Variants in DTX2 observed in about 807,000 individuals in gnomAD.
DTX2 encodes the protein deltex E3 ubiquitin ligase 2.
In DTX2, 29 loss-of-function variants were observed where a neutral mutation model predicts 55.3. The ratio of observed to expected loss-of-function variants is 0.52; its 90% confidence interval spans 0.39 to 0.71. The LOEUF (loss-of-function observed/expected upper bound fraction) is 0.71. Ranked by LOEUF, DTX2 falls within the 30% of genes least tolerant of loss-of-function variation. The probability of loss-of-function intolerance (pLI) is 0.00; values close to 1 mark genes in which losing one functional copy is unlikely to be tolerated. For synonymous variants in DTX2, 276 were observed against 340.4 expected, an observed-to-expected ratio of 0.81 and a Z score of 2.08; for missense variants, 537 against 822.5, an observed-to-expected ratio of 0.65 and a Z score of 4.25.
At position 76,480,686 on chromosome 7, in the gene DTX2, G is replaced by A. The variant is rs764404421; in HGVS notation, c.177G>A (p.Leu59=). 6.2e-7 allele frequency: 1 copy of A among 1,613,696 alleles called. No individual in the cohort carries two copies. Among genetic ancestry groups the A allele is most frequent in the Non-Finnish European group, 8.5e-7 (1 of 1,179,854 alleles). The stretch of plus-strand genomic sequence containing the variant: ...GCCAACGTTTTGGGCTTGGGAGCCT[G>A]GCCCACAGCATCCCCTTGGGCCAGG... ...QKGQRFGLGS[L]AHSIPLGQAD... is the part of the protein sequence containing the mutation. Residue 59 remains leucine (L), a synonymous_variant, in exon 3 of 11, where the codon CTG becomes CTA. Transcript: ENST00000430490.
chr7:76,475,319 AAAAC>A (rs1808430012), intron 2 of DTX2, among the ~76,000 whole-genome samples: 2 of 152,108 alleles, frequency 1.3e-5, no homozygotes, highest in African/African-American at 4.8e-5. Context: ...CTCAAAAACA[AAAAC>A]AAAAAAAACC....
chr7:76,481,265 CA>C (rs1809179474), intron 3 of DTX2, among the ~76,000 whole-genome samples: 1 of 151,880 alleles, frequency 6.6e-6, no homozygotes, highest in South Asian at 2.1e-4. Flanking sequence ...CGGCTCACTG[CA>C]ACCCCTGCCT....
intron 4 of DTX2, among the ~76,000 whole-genome samples, chr7:76,491,640 A>C (rs1406852406): frequency 1.2e-5 from 1 of 82,038 alleles, no homozygotes; most frequent in African/African-American, 6.1e-5. Flanking sequence ...TTTTCTTTTT[A>C]TTTTCTTTAT....
chr7:76,475,130 A>G (rs1808403730), intron 2 of DTX2, among the ~76,000 whole-genome samples: 1 of 151,776 alleles, frequency 6.6e-6, no homozygotes, highest in Admixed American at 6.6e-5. Context: ...AACATGGTGA[A>G]GCCGCGTCTC....
intron 4 of DTX2, 170 bp from the exon 5 acceptor site, chr7:76,491,982 CT>C (rs1810484179): frequency 1.8e-6 from 1 of 549,474 alleles, no homozygotes; most frequent in African/African-American, 2.0e-5. Context: ...TCCTGAGTCT[CT>C]CTGAATTGCC....
At position 76,502,305 on chromosome 7, in the gene DTX2, T is replaced by A. The variant is rs771655815; in HGVS notation, c.1238T>A (p.Ile413Asn). Residue 413 changes from isoleucine (I) to asparagine (N), a missense_variant, in exon 8 of 11, where the codon ATC becomes AAC. Coordinates refer to ENST00000430490, the MANE Select transcript of DTX2 (RefSeq NM_001102594.3). ...ELKVPPDEDC[I>N]ICMEKLSTAS... ...ATGTTTGGTCTCCTCCAGGACTGCATCATCTGCATGGAGAAGCTGTCCACA... is the reference window on the plus strand; with the variant it reads ...ATGTTTGGTCTCCTCCAGGACTGCAACATCTGCATGGAGAAGCTGTCCACA... 9 of 1,608,082 alleles carry A rather than the reference T, an allele frequency of 5.6e-6. No individual in the cohort carries two copies. The highest frequency in any genetic ancestry group is 7.6e-6 in the Non-Finnish European group (9 of 1,176,948).
chr7:76,472,726 T>C (rs1284275277), intron 2 of DTX2, among the ~76,000 whole-genome samples: 1 of 150,696 alleles, frequency 6.6e-6, no homozygotes, highest in African/African-American at 2.5e-5. Flanking sequence ...GTCTCCTATA[T>C]ATGAAGAAGA....
Position 76,482,554 on chromosome 7 carries a change from C to T in DTX2, c.315C>T (p.Ala105=), listed in dbSNP as rs370774997. Residue 105 remains alanine, a synonymous_variant, in exon 4 of 11, where the codon GCC becomes GCT. Transcript: ENST00000430490. ...VRRHLFPQHS[A]PGRGVVWEWL... ...GACACCTGTTCCCCCAGCACTCAGC[C>T]CCTGGCCGAGGTGTCGTCTGGGAGT... The T allele has an allele frequency of 2.9e-5, 47 of 1,612,288 alleles. No homozygotes were observed. In the African/African-American group the frequency reaches 5.6e-4, roughly 19 times the overall value.
chr7:76,480,258 T>G (rs1446948601), intron 2 of DTX2, among the ~76,000 whole-genome samples, 163 bp from the exon 3 acceptor site: 6 of 146,858 alleles, frequency 4.1e-5, no homozygotes, highest in South Asian at 2.2e-4. Context: ...TGAGCCAAGA[T>G]CACACTGCTG....
chr7:76,474,121 A>G (rs1363794825), intron 2 of DTX2, among the ~76,000 whole-genome samples: 3 of 150,874 alleles, frequency 2.0e-5, no homozygotes, highest in Non-Finnish European at 3.0e-5. Context: ...GGGTTTCTCC[A>G]TGTTGGTCAG....
chr7:76,505,701 T>A lies in DTX2; in HGVS notation c.*100T>A. 1 of 1,296,384 alleles carries A rather than the reference T, an allele frequency of 7.7e-7. No homozygotes were observed. The highest frequency in any genetic ancestry group is 1.4e-5 in the South Asian group (1 of 73,020). The allele number at this position is 1,296,384 out of a possible 1,614,324, so 80.3% of individuals were successfully genotyped here. A position where few individuals can be genotyped will look rare whatever the true frequency, so the allele number is the denominator to read the frequency against. On this transcript the variant is annotated 3_prime_UTR_variant, in exon 11 of 11. Coordinates refer to ENST00000430490, the MANE Select transcript of DTX2 (RefSeq NM_001102594.3). The surrounding 1 kb of genome is among the most constrained non-coding windows in gnomAD (Gnocchi z 4.4). ...TGCCCAGCCCGAGAGGCTGGGAGGT[T>A]TGTTGAGGGTGTGGGGTGTGCCCCA...
chr7:76,481,557 A>C (rs1809217532), intron 3 of DTX2, among the ~76,000 whole-genome samples: 1 of 152,046 alleles, frequency 6.6e-6, no homozygotes, highest in South Asian at 2.1e-4. Context: ...CCCTTACTCT[A>C]ATCTGGTGGT....
chr7:76,463,075 A>G (rs1787115922), intron 1 of DTX2, among the ~76,000 whole-genome samples: 1 of 118,266 alleles, frequency 8.5e-6, no homozygotes, highest in South Asian at 3.1e-4. Context: ...TCAAAAAACA[A>G]AAAACAAACA....
intron 2 of DTX2, among the ~76,000 whole-genome samples, chr7:76,474,136 G>C (rs1584144392): frequency 1.3e-5 from 2 of 150,848 alleles, no homozygotes; most frequent in African/African-American, 4.9e-5. Context: ...GGTCAGGCTG[G>C]TCTCAAACTC....
At chr7:76,474,581 C>CA (rs1335425735) in intron 2 of DTX2, 2 of 152,076 alleles carry the variant, frequency 1.3e-5, no homozygotes, top group Non-Finnish European at 2.9e-5. Context: ...AGCAGGTCTG[C>CA]AGTGATCAGA....
chr7:76,468,447 CATTTTTTTTTTTTTTTT>C (rs1807440702), intron 2 of DTX2, among the ~76,000 whole-genome samples: 1 of 77,676 alleles, frequency 1.3e-5, no homozygotes. Flanking sequence ...GGCCCACTGC[CATTTTTTTTTTTTTTTT>C]TTTTTTTTTT....
At chr7:76,482,470 T>A in intron 3 of DTX2, 38 bp from the exon 4 acceptor site, 2 of 1,536,680 alleles carry the variant, frequency 1.3e-6, no homozygotes, top group South Asian at 2.6e-5. Flanking sequence ...ATCTTGGGGA[T>A]GCTAGCAGAC....
At chr7:76,492,023 A>C (rs1483601537) in intron 4 of DTX2, 130 bp from the exon 5 acceptor site, 1 of 484,872 alleles carries the variant, frequency 2.1e-6, no homozygotes, top group East Asian at 4.0e-5. Context: ...GCCTCCACAC[A>C]GGCACCCAAG....
rs1201887166 is a variant in DTX2 at position 76,475,513 on chromosome 7, C to T, written c.-89-4908C>T. 1.7e-3 allele frequency among the ~76,000 whole-genome samples: 238 copies of T among 143,080 alleles called. 1 individual carries two copies. The highest frequency in any genetic ancestry group is 5.7e-3 in the African/African-American group (222 of 38,772). 93.9% of individuals were successfully genotyped at this position (143,080 alleles called of 152,430 possible). A position where few individuals can be genotyped will look rare whatever the true frequency, so the allele number is the denominator to read the frequency against. On this transcript the variant is annotated intron_variant, in intron 2 of 10. Transcript: ENST00000430490. ...ACCAACCTGGCCAATGTGGCAAAAC[C>T]ACATCTCTACTGAAAATACAAAAAT...
Sources: allele counts gnomAD v4.1 joint callset (sites outside exome capture counted in the v4.1 genomes callset), GRCh38; gene constraint gnomAD v4.1.1; non-coding constraint Gnocchi (gnomAD v3.1); transcripts MANE v1.5; gene names NCBI Gene and HGNC (gene_info 2026-07-23, HGNC 2026-07-21).